The following CASP5 variants were observed in gnomAD, a reference collection of about 807,000 sequenced individuals.
CASP5 encodes the protein caspase 5, also known as caspase-5.
Under a neutral mutation model 45.2 loss-of-function variants are expected in CASP5, and 42 were observed. The observed-to-expected ratio is 0.93, with a 90% CI of 0.73 to 1.20. The LOEUF (loss-of-function observed/expected upper bound fraction) is 1.20. Among genes scored for constraint, CASP5 ranks in the 50% most tolerant of loss-of-function variants. CASP5 has a pLI of 0.00. For synonymous variants in CASP5, 209 were observed against 186.2 expected, an observed-to-expected ratio of 1.12 and a Z score of -1.00; for missense variants, 512 against 532.2, an observed-to-expected ratio of 0.96 and a Z score of 0.37.
intron 7 of CASP5, among the ~76,000 whole-genome samples, chr11:104,997,824 T>G (rs1861534228): frequency 6.6e-6 from 1 of 152,150 alleles, no homozygotes; most frequent in Non-Finnish European, 1.5e-5. Flanking sequence ...AAGGAAAGAA[T>G]AGAAGCTCAG....
chr11:105,018,771 C>T (rs1482151415), intron 1 of CASP5, among the ~76,000 whole-genome samples: 4 of 140,514 alleles, frequency 2.8e-5, no homozygotes, highest in African/African-American at 1.0e-4. Flanking sequence ...ACAAGGATAC[C>T]CAGGAATTGA....
At chr11:105,004,980 T>C (rs1174459449) in intron 3 of CASP5, among the ~76,000 whole-genome samples, 2 of 152,108 alleles carry the variant, frequency 1.3e-5, no homozygotes, top group African/African-American at 4.8e-5. Flanking sequence ...TGTTTTCCAG[T>C]AAAATTAGAA....
At chr11:105,008,722 G>T in intron 2 of CASP5, 85 bp downstream of exon 2, 1 of 905,166 alleles carries the variant, frequency 1.1e-6, no homozygotes. Flanking sequence ...GAGGATAGGG[G>T]GATCACAGAA....
chr11:104,996,423 G>A (rs901381625), intron 8 of CASP5, among the ~76,000 whole-genome samples: 1 of 152,096 alleles, frequency 6.6e-6, no homozygotes, highest in African/African-American at 2.4e-5. Context: ...TAACTTCCCA[G>A]TTCTCTATTC....
At chr11:105,015,685 G>C (rs1189468070) in intron 1 of CASP5, among the ~76,000 whole-genome samples, 3 of 151,888 alleles carry the variant, frequency 2.0e-5, no homozygotes, top group Non-Finnish European at 2.9e-5. Context: ...CGGCCAAAGA[G>C]GCAGCCATGG....
intron 1 of CASP5, among the ~76,000 whole-genome samples, chr11:105,020,058 C>A (rs533299022): frequency 6.9e-6 from 1 of 145,550 alleles, no homozygotes; most frequent in Non-Finnish European, 1.5e-5. Context: ...ACAAAAACCA[C>A]GTGATTATCT....
In CASP5 at chr11:105,021,751, G is replaced by A. The variant is rs1255349937; in HGVS notation, c.7+1379C>T. Among the ~76,000 whole-genome samples, 20 of 148,704 alleles carry A rather than the reference G, an allele frequency of 1.3e-4. 1 individual carries two copies. Among genetic ancestry groups the A allele is most frequent in the Admixed American group, 6.9e-5 (1 of 14,454 alleles). ...TTCAACCATTGTGGAAGTCAGTGTG[G>A]CGATTCCACAGGGATCTAGAACTAG... On this transcript the variant is annotated intron_variant, in intron 1 of 9. Transcript: ENST00000260315.
At chr11:105,006,245 G>T (rs997051820) in intron 3 of CASP5, among the ~76,000 whole-genome samples, 3 of 152,180 alleles carry the variant, frequency 2.0e-5, no homozygotes, top group Non-Finnish European at 4.4e-5. Flanking sequence ...GTAACTCACA[G>T]AAATGAGTAA....
intron 9 of CASP5, 35 bp from the exon 10 acceptor site, chr11:104,994,382 G>A (rs944427954): frequency 6.6e-6 from 1 of 152,218 alleles, no homozygotes; most frequent in Admixed American, 6.6e-5. Context: ...GGTCAAGATG[G>A]TTACCCCTCA....
At chr11:105,018,332 A>G (rs1226008170) in intron 1 of CASP5, among the ~76,000 whole-genome samples, 1 of 151,834 alleles carries the variant, frequency 6.6e-6, no homozygotes, top group Non-Finnish European at 1.5e-5. Context: ...TAAATGGACT[A>G]AATGCTCCAA....
In CASP5 at chr11:105,003,172, G is replaced by T. The variant is rs547036849; in HGVS notation, c.543+102C>A. The T allele has an allele frequency of 4.1e-5, 31 of 763,172 alleles. No homozygotes were observed. In the East Asian group the frequency reaches 6.7e-4, roughly 17 times the overall value. The allele number at this position is 763,172 out of a possible 1,614,324, so 47.3% of individuals were successfully genotyped here. On this transcript the variant is annotated intron_variant, in intron 4 of 9. Transcript: ENST00000260315. ...CTATGATCACACCACAGCACTCCAG[G>T]CTGGGCAACAGAGCAAGACCCCATT... is the stretch of plus-strand genomic sequence containing the variant.
intron 3 of CASP5, among the ~76,000 whole-genome samples, chr11:105,003,666 T>C (rs1308341439): frequency 6.6e-6 from 1 of 152,052 alleles, no homozygotes; most frequent in Non-Finnish European, 1.5e-5. Flanking sequence ...GGCTTTTCTA[T>C]ATTCAGAAAA....
chr11:105,014,998 A>G (rs997299279), intron 1 of CASP5, among the ~76,000 whole-genome samples: 1 of 152,230 alleles, frequency 6.6e-6, no homozygotes, highest in African/African-American at 2.4e-5. Context: ...CAGTGTGGGA[A>G]GAAACACAAA....
chr11:105,005,568 A>G (rs1243140359), intron 3 of CASP5, among the ~76,000 whole-genome samples: 1 of 152,050 alleles, frequency 6.6e-6, no homozygotes, highest in African/African-American at 2.4e-5. Flanking sequence ...GTGCCAGTGT[A>G]CTCAAAGTAT....
intron 1 of CASP5, among the ~76,000 whole-genome samples, chr11:105,017,303 T>G (rs1020238421): frequency 8.5e-5 from 13 of 152,232 alleles, no homozygotes; most frequent in African/African-American, 3.1e-4. Flanking sequence ...CAAAGCTGGA[T>G]GGAGAATGAC....
At chr11:105,010,805 C>A (rs1862313703) in intron 1 of CASP5, among the ~76,000 whole-genome samples, 1 of 151,536 alleles carries the variant, frequency 6.6e-6, no homozygotes, top group South Asian at 2.1e-4. Flanking sequence ...CACAAAAACT[C>A]CATGCAAAAT....
intron 1 of CASP5, among the ~76,000 whole-genome samples, chr11:105,019,214 A>G (rs1403802659): frequency 6.6e-6 from 1 of 151,264 alleles, no homozygotes; most frequent in Non-Finnish European, 1.5e-5. Flanking sequence ...GAAAGATCCA[A>G]AATTGACACC....
intron 1 of CASP5, among the ~76,000 whole-genome samples, chr11:105,019,324 A>G (rs1420543181): frequency 6.6e-6 from 1 of 150,470 alleles, no homozygotes. Context: ...ACTGAAGGAA[A>G]TAGAGACACA....
chr11:104,999,127 T>C (rs562983297), intron 6 of CASP5, 99 bp from the exon 7 acceptor site: 8 of 1,068,688 alleles, frequency 7.5e-6, no homozygotes, highest in South Asian at 1.7e-5. Context: ...GCATGTACCA[T>C]TGTGGTTTGC....
Sources: gnomAD v4.1 joint callset for allele counts (sites outside exome capture counted in the v4.1 genomes callset) on GRCh38, gnomAD v4.1.1 for gene constraint, MANE v1.5 for transcripts, NCBI Gene and HGNC (gene_info 2026-07-23, HGNC 2026-07-21) for gene names.